DAB2: variants seen among roughly 807,000 people sequenced by gnomAD.
DAB2 encodes DAB adaptor protein 2.
A neutral mutation model predicts 71.6 loss-of-function variants in DAB2; 28 were observed. The observed-to-expected ratio is 0.39, with a 90% CI of 0.29 to 0.54. DAB2 has a LOEUF of 0.54. Ranked by LOEUF, DAB2 falls within the 20% of genes least tolerant of loss-of-function variation. DAB2 has a pLI of 0.68. For synonymous variants in DAB2, 345 were observed against 339.7 expected (o/e 1.02, Z -0.17); for missense variants, 867 against 928.8 (o/e 0.93, Z 0.86).
At position 39,388,341 on chromosome 5, in the gene DAB2, C is replaced by A. The variant is rs757175642; in HGVS notation, c.651G>T (p.Gly217=). 1.9e-6 allele frequency: 3 copies of A among 1,611,694 alleles called. No homozygotes were observed. The highest frequency in any genetic ancestry group is 2.5e-6 in the Non-Finnish European group (3 of 1,178,556). ...TTAGGTCAGGAGGTGTAGACATGTCCCCAAACAAATCCATCTGGTCAACAC... is the reference window on the plus strand; with the variant it reads ...TTAGGTCAGGAGGTGTAGACATGTCACCAAACAAATCCATCTGGTCAACAC... ...KSGVDQMDLF[G]DMSTPPDLNS... The change falls in exon 9 of 15, where the codon GGG becomes GGT. Residue 217 remains glycine (G), a synonymous_variant. Transcript: ENST00000320816.
At position 39,376,022 on chromosome 5, in the gene DAB2, T is replaced by A; in HGVS notation, c.2222A>T (p.Asp741Val). Residue 741 changes from aspartate (D) to valine (V), a missense_variant, in exon 13 of 15, where the codon GAT becomes GTT. Coordinates refer to ENST00000320816, the MANE Select transcript of DAB2 (RefSeq NM_001343.4). ...DNAFENPFFK[D>V]SFGSSQASVA... Reference sequence around the variant, plus strand: ...AGAGGCTTGTGATGAACCAAAAGAATCTTTAAAGAAAGGGTTCTCAAATGC... The same window carrying A: ...AGAGGCTTGTGATGAACCAAAAGAAACTTTAAAGAAAGGGTTCTCAAATGC... 1 of 1,614,052 alleles carries A rather than the reference T, an allele frequency of 6.2e-7. No homozygotes were observed. Among genetic ancestry groups the A allele is most frequent in the Non-Finnish European group, 8.5e-7 (1 of 1,179,940 alleles).
In DAB2 at chr5:39,388,871, T is replaced by C; in HGVS notation, c.571-19A>G. On this transcript the variant is annotated intron_variant, in intron 7 of 14. Coordinates refer to ENST00000320816, the MANE Select transcript of DAB2 (RefSeq NM_001343.4). ...TCCCATTCTGAAAAGATAGCAAATA[T>C]TTAAGGATTTAGTTGAGCTTTGTCT... The C allele has an allele frequency of 1.2e-6, 2 of 1,601,508 alleles. No individual in the cohort carries two copies. The highest frequency in any genetic ancestry group is 1.7e-6 in the Non-Finnish European group (2 of 1,168,606).
At chr5:39,382,487 G>T in intron 10 of DAB2, 131 bp downstream of exon 10, 1 of 987,714 alleles carries the variant, frequency 1.0e-6, no homozygotes, top group Non-Finnish European at 1.5e-6. Context: ...GAACCAAAGT[G>T]CCTTATCCCA....
Position 39,388,304 on chromosome 5 carries a change from C to A in DAB2, c.687+1G>T, listed in dbSNP as rs891830212. The A allele has an allele frequency of 2.5e-6, 4 of 1,606,622 alleles. No individual in the cohort carries two copies. The highest frequency in any genetic ancestry group is 3.4e-6 in the Non-Finnish European group (4 of 1,174,878). Reference sequence around the variant, plus strand: ...TTGCAAATTTAAAAACAAACACTTACTGTTGGACTATTTAGGTCAGGAGGT... The same window carrying A: ...TTGCAAATTTAAAAACAAACACTTAATGTTGGACTATTTAGGTCAGGAGGT... On this transcript the variant is annotated splice_donor_variant, in intron 9 of 14. Transcript: ENST00000320816. LOFTEE classifies it high-confidence loss of function.
chr5:39,384,933 G>T (rs1402884169), intron 9 of DAB2, among the ~76,000 whole-genome samples: 1 of 151,838 alleles, frequency 6.6e-6, no homozygotes, highest in African/African-American at 2.4e-5. Context: ...TATAAAATTT[G>T]CAAACTAGTA....
chr5:39,375,427 T>C (rs540856123), intron 13 of DAB2, among the ~76,000 whole-genome samples: 22 of 152,342 alleles, frequency 1.4e-4, no homozygotes, highest in Admixed American at 1.3e-3. Context: ...AATGCTTTCA[T>C]GGGTCAGGTT....
rs370976435 is a variant in DAB2 at position 39,381,854 on chromosome 5, A to G, written c.1342-238T>C. Among the ~76,000 whole-genome samples, 208 of 152,358 alleles carry G rather than the reference A, an allele frequency of 1.4e-3. 10 individuals are homozygous for G. In the South Asian group the frequency reaches 0.04, roughly 29 times the overall value. Reference sequence around the variant, plus strand: ...GTCTGACACTACCTAGGACTTGCAAAGTGAAATCTACTATATTCCTTTACA... The same window carrying G: ...GTCTGACACTACCTAGGACTTGCAAGGTGAAATCTACTATATTCCTTTACA... On this transcript the variant is annotated intron_variant, in intron 10 of 14. Coordinates refer to ENST00000320816, the MANE Select transcript of DAB2 (RefSeq NM_001343.4).
chr5:39,410,347 T>C (rs1755694928), intron 1 of DAB2, among the ~76,000 whole-genome samples: 1 of 152,172 alleles, frequency 6.6e-6, no homozygotes, highest in South Asian at 2.1e-4. Flanking sequence ...CATCATATTC[T>C]TTTTACTTTT....
rs1448089255 is a variant in DAB2 at position 39,375,063 on chromosome 5, A to T, written c.2269T>A (p.Ser757Thr). ...QASVASSQPVSSEMYRDPFGN... is the reference protein window; with the variant it reads ...QASVASSQPVTSEMYRDPFGN... ...AATGGATCCCTATACATCTCAGAAG[A>T]TACAGGTTGAGAAGAAGCCACCTAA... The change falls in exon 14 of 15, where the codon TCT becomes ACT. Residue 757 changes from serine (S) to threonine (T), a missense_variant. Coordinates refer to ENST00000320816, the MANE Select transcript of DAB2 (RefSeq NM_001343.4). The T allele has an allele frequency of 2.5e-6, 4 of 1,611,396 alleles. No homozygotes were observed. The South Asian group carries it at 4.4e-5, about 18-fold the overall frequency.
In DAB2 at chr5:39,372,172, G is replaced by A. The variant is rs1319515181; in HGVS notation, c.*1259C>T. ...TGACAATAATAAACCCTTCAGAACT[G>A]TGCTCACAACAGGACTGAAAATGAA... On this transcript the variant is annotated 3_prime_UTR_variant, in exon 15 of 15. Transcript: ENST00000320816. 1 of 152,160 alleles carries A rather than the reference G, an allele frequency of 6.6e-6. No homozygotes were observed. The highest frequency in any genetic ancestry group is 6.6e-5 in the Admixed American group (1 of 15,266). The allele number at this position is 152,160 out of a possible 1,614,324, so 9.4% of individuals were successfully genotyped here.
At chr5:39,402,527 C>T (rs546283821) in intron 1 of DAB2, among the ~76,000 whole-genome samples, 1 of 152,284 alleles carries the variant, frequency 6.6e-6, no homozygotes, top group Admixed American at 6.5e-5. Flanking sequence ...AGTGATTCTC[C>T]TGCCTCACCC....
intron 1 of DAB2, among the ~76,000 whole-genome samples, chr5:39,402,189 T>C (rs945803630): frequency 1.3e-5 from 2 of 151,986 alleles, no homozygotes; most frequent in Non-Finnish European, 2.9e-5. Context: ...CCACAATACA[T>C]GGGAATTATG....
intron 1 of DAB2, among the ~76,000 whole-genome samples, chr5:39,396,353 C>T (rs765447979): frequency 5.3e-5 from 8 of 152,184 alleles, no homozygotes; most frequent in Non-Finnish European, 1.2e-4. Context: ...CACAGCTTCA[C>T]GTAGTCCTCT....
Position 39,377,220 on chromosome 5 carries a change from G to A in DAB2, c.1567C>T (p.Gln523Ter). 6.2e-7 allele frequency: 1 copy of A among 1,614,152 alleles called. No homozygotes were observed. The highest frequency in any genetic ancestry group is 8.5e-7 in the Non-Finnish European group (1 of 1,180,002). Residue 523 changes from glutamine to a stop codon, truncating the protein, a stop_gained, in exon 12 of 15, where the codon CAG becomes TAG. Coordinates refer to ENST00000320816, the MANE Select transcript of DAB2 (RefSeq NM_001343.4). LOFTEE classifies it high-confidence loss of function. ...GCTCCCGGAGCCATTGAAGGGGACT[G>A]ATTGAAGACCAAAGATGCTGTGTTC... ...PWNTASLVFN[Q>*]SPSMAPGAMM...
chr5:39,408,623 G>A (rs1486240581), intron 1 of DAB2: 2 of 152,144 alleles, frequency 1.3e-5, no homozygotes, highest in African/African-American at 4.8e-5. Flanking sequence ...TTAAAAAATG[G>A]TTCTTCATGA....
intron 1 of DAB2, among the ~76,000 whole-genome samples, chr5:39,404,460 T>TAAA (rs574569850): frequency 0.021 from 2,697 of 127,146 alleles, 53 homozygotes; most frequent in African/African-American, 0.051. Flanking sequence ...TATTATTATC[T>TAAA]AAAAAAAAAA....
In DAB2 at chr5:39,381,446, G is replaced by A; in HGVS notation, c.1504+8C>T. Reference sequence around the variant, plus strand: ...GAGTCATACTTAATTTTATCTCTAGGCACCTACCTAGACCCACCAGGGGCC... The same window carrying A: ...GAGTCATACTTAATTTTATCTCTAGACACCTACCTAGACCCACCAGGGGCC... On this transcript the variant is annotated splice_region_variant and intron_variant, in intron 11 of 14. Transcript: ENST00000320816. The A allele has an allele frequency of 6.2e-7, 1 of 1,609,994 alleles. No homozygotes were observed. The highest frequency in any genetic ancestry group is 8.5e-7 in the Non-Finnish European group (1 of 1,178,496).
intron 11 of DAB2, among the ~76,000 whole-genome samples, chr5:39,379,267 A>C (rs1163280617): frequency 6.6e-6 from 1 of 152,084 alleles, no homozygotes; most frequent in African/African-American, 2.4e-5. Flanking sequence ...CAACCTGGCC[A>C]ACGTGGCGAA....
Position 39,372,422 on chromosome 5 carries a change from T to C in DAB2, c.*1009A>G, listed in dbSNP as rs1754720384. On this transcript the variant is annotated 3_prime_UTR_variant, in exon 15 of 15. Coordinates refer to ENST00000320816, the MANE Select transcript of DAB2 (RefSeq NM_001343.4). The stretch of plus-strand genomic sequence containing the variant: ...CACAATCACATTTAGCTTTGTGATA[T>C]GTTGCTCTTCAAAATAGAGTCCTTT... 3 of 152,196 alleles carry C rather than the reference T, an allele frequency of 2.0e-5. No homozygotes were observed. The highest frequency in any genetic ancestry group is 1.9e-4 in the East Asian group (1 of 5,192). The allele number at this position is 152,196 out of a possible 1,614,324, so 9.4% of individuals were successfully genotyped here.
Sources: allele counts gnomAD v4.1 joint callset (sites outside exome capture counted in the v4.1 genomes callset), GRCh38; gene constraint gnomAD v4.1.1; transcripts MANE v1.5; gene names NCBI Gene and HGNC (gene_info 2026-07-23, HGNC 2026-07-21).